BRWD1: variants seen among roughly 807,000 people sequenced by gnomAD.
The protein encoded by BRWD1 is bromodomain and WD repeat domain containing 1, also known as bromodomain and WD repeat-containing protein 1.
BRWD1 carries 82 observed loss-of-function variants against 251.2 expected under a neutral mutation model. The observed-to-expected ratio is 0.33, with a 90% CI of 0.27 to 0.39. BRWD1 has a LOEUF of 0.39. BRWD1 is among the 10% of genes least tolerant of loss of function. BRWD1 has a pLI of 1.00. For synonymous variants in BRWD1, 918 were observed against 902.8 expected, an observed-to-expected ratio of 1.02 and a Z score of -0.30; for missense variants, 2,233 against 2,711.6, an observed-to-expected ratio of 0.82 and a Z score of 3.92.
Position 39,210,796 on chromosome 21 carries a change from A to G in BRWD1, c.4034T>C (p.Val1345Ala). 1 of 1,605,532 alleles carries G rather than the reference A, an allele frequency of 6.2e-7. No individual in the cohort carries two copies. Among genetic ancestry groups the G allele is most frequent in the Non-Finnish European group, 8.5e-7 (1 of 1,177,432 alleles). The change falls in exon 35 of 41, where the codon GTT (valine) becomes GCT (alanine). Residue 1345 changes from valine (V) to alanine (A), a missense_variant. By Grantham distance (64) the Val-to-Ala change is moderately conservative. Around this residue, in one of 12 missense-constraint regions of BRWD1, gnomAD observed 69 missense variants for 101.6 expected, o/e 0.68. Coordinates refer to ENST00000342449, the MANE Select transcript of BRWD1 (RefSeq NM_033656.4). Reference protein sequence around the residue: ...SEPFRQPVDLVEYPDYRDIID... With the variant: ...SEPFRQPVDLAEYPDYRDIID... Reference sequence around the variant, plus strand: ...ACAATGGAAACTTACTGGATATTCAACCAAATCAACAGGTTGTCTAAATGG... The same window carrying G: ...ACAATGGAAACTTACTGGATATTCAGCCAAATCAACAGGTTGTCTAAATGG...
chr21:39,251,648 C>T (rs1423757519), intron 19 of BRWD1, among the ~76,000 whole-genome samples: 2 of 152,212 alleles, frequency 1.3e-5, no homozygotes, highest in East Asian at 3.8e-4. Context: ...AGACAGCCCA[C>T]ACTCAAGATT....
At chr21:39,267,018 G>A (rs959034437) in intron 15 of BRWD1, among the ~76,000 whole-genome samples, 3 of 152,158 alleles carry the variant, frequency 2.0e-5, no homozygotes, top group Non-Finnish European at 2.9e-5. Context: ...TTATTACTGA[G>A]TATGAAAGGA....
chr21:39,238,374 T>G (rs1328919594), intron 22 of BRWD1, 105 bp downstream of exon 22: 2 of 799,628 alleles, frequency 2.5e-6, no homozygotes, highest in Non-Finnish European at 4.1e-6. Flanking sequence ...TATTAAAAAC[T>G]GTTCCACAGT....
chr21:39,267,370 C>T lies in BRWD1; in HGVS notation c.1531-2351G>A, dbSNP rs1400098238. On this transcript the variant is annotated intron_variant, in intron 15 of 40. Coordinates refer to ENST00000342449, the MANE Select transcript of BRWD1 (RefSeq NM_033656.4). ...CAGCACTTTGGGAGGCCGAGGCGGG[C>T]GGATCACAAGGTCAGGAGATCGAGA... Among the ~76,000 whole-genome samples the T allele has an allele frequency of 3.3e-5, 5 of 151,938 alleles. No individual in the cohort carries two copies. In the South Asian group the frequency reaches 8.3e-4, roughly 25 times the overall value.
At position 39,188,937 on chromosome 21, in the gene BRWD1, A is replaced by G; in HGVS notation, c.*7322T>C. The G allele has an allele frequency of 3.0e-6, 3 of 985,052 alleles. No homozygotes were observed. The highest frequency in any genetic ancestry group is 2.4e-6 in the Non-Finnish European group (2 of 829,632). 61.0% of individuals were successfully genotyped at this position (985,052 alleles called of 1,614,324 possible). A position where few individuals can be genotyped will look rare whatever the true frequency, so the allele number is the denominator to read the frequency against. The stretch of plus-strand genomic sequence containing the variant: ...AGACACTCATCACGGCATTACTCTC[A>G]TGCAGCATGCCCTTACCTCCTTCAG... On this transcript the variant is annotated 3_prime_UTR_variant, in exon 41 of 41. Coordinates refer to ENST00000342449, the MANE Select transcript of BRWD1 (RefSeq NM_033656.4).
intron 1 of BRWD1, among the ~76,000 whole-genome samples, chr21:39,319,364 T>C (rs193166474): frequency 6.6e-6 from 1 of 152,322 alleles, no homozygotes; most frequent in Admixed American, 6.5e-5. Flanking sequence ...TTGCAGGCGC[T>C]GGCCCATGTC....
intron 27 of BRWD1, among the ~76,000 whole-genome samples, chr21:39,226,129 T>C (rs980399677): frequency 5.9e-5 from 9 of 152,162 alleles, no homozygotes; most frequent in Non-Finnish European, 8.8e-5. Context: ...GATAAAAATA[T>C]TTCTTCATAC....
At chr21:39,311,446 C>T (rs114343269) in intron 4 of BRWD1, among the ~76,000 whole-genome samples, 2,315 of 152,298 alleles carry the variant, frequency 0.015, 58 homozygotes, top group African/African-American at 0.053. Flanking sequence ...TGAGCCACTG[C>T]ACCCAGCCCC....
intron 15 of BRWD1, among the ~76,000 whole-genome samples, chr21:39,265,500 G>A (rs1012802219): frequency 3.9e-5 from 6 of 152,066 alleles, no homozygotes; most frequent in Non-Finnish European, 5.9e-5. Context: ...AAATAAAATT[G>A]ATTTTGGATA....
Position 39,196,448 on chromosome 21 carries a change from T to C in BRWD1, c.6621A>G (p.Gln2207=). 1 of 1,613,564 alleles carries C rather than the reference T, an allele frequency of 6.2e-7. No individual in the cohort carries two copies. Among genetic ancestry groups the C allele is most frequent in the Non-Finnish European group, 8.5e-7 (1 of 1,179,726 alleles). ...NISKTVRRQR[Q]SKRPRLSVDD... ...CCACACTTAACCTAGGGCGTTTGCT[T>C]TGTCTTTGACGTCTCACAGTTTTAG... is the stretch of plus-strand genomic sequence containing the variant. Residue 2207 remains glutamine, a synonymous_variant, in exon 41 of 41, where the codon CAA becomes CAG. Transcript: ENST00000342449.
At chr21:39,318,832 C>G (rs907832474) in intron 1 of BRWD1, among the ~76,000 whole-genome samples, 1 of 152,168 alleles carries the variant, frequency 6.6e-6, no homozygotes, top group Non-Finnish European at 1.5e-5. Context: ...GTTGCCCAGG[C>G]TGGTCTCAAA....
In BRWD1 at chr21:39,229,390, G is replaced by A; in HGVS notation, c.3047C>T (p.Pro1016Leu). The change falls in exon 26 of 41, where the codon CCC (proline) becomes CTC (leucine). Residue 1016 changes from proline (P) to leucine (L), a missense_variant. This residue lies in a region of BRWD1 where 139 missense variants were observed against 272.8 expected (regional missense o/e 0.51). Coordinates refer to ENST00000342449, the MANE Select transcript of BRWD1 (RefSeq NM_033656.4). ...TAGTTTTAGGCAACAGAGTGTAGGG[G>A]GCCCAACTTCATATCGTATTCCAAC... ...KIVGIRYEVG[P>L]PTLCCLKLAF... 6.2e-7 allele frequency: 1 copy of A among 1,610,232 alleles called. No homozygotes were observed. Among genetic ancestry groups the A allele is most frequent in the Non-Finnish European group, 8.5e-7 (1 of 1,176,912 alleles).
Position 39,270,490 on chromosome 21 carries a change from T to C in BRWD1, c.1245-57A>G, listed in dbSNP as rs1312828332. The C allele has an allele frequency of 2.9e-6, 4 of 1,383,988 alleles. No homozygotes were observed. The East Asian group carries it at 9.6e-5, about 33-fold the overall frequency. 85.7% of individuals were successfully genotyped at this position (1,383,988 alleles called of 1,614,324 possible). On this transcript the variant is annotated intron_variant, in intron 13 of 40. Coordinates refer to ENST00000342449, the MANE Select transcript of BRWD1 (RefSeq NM_033656.4). ...TTTAGATGGCTGGCTATACAATGTA[T>C]ACAATCTCTCATCAATACAAAAATA...
intron 38 of BRWD1, among the ~76,000 whole-genome samples, chr21:39,200,919 G>A (rs148668024): frequency 1.3e-3 from 200 of 152,086 alleles, no homozygotes; most frequent in Middle Eastern, 6.8e-3. Context: ...AGGAGGGGAA[G>A]GTAGCAGTGA....
chr21:39,264,638 T>C lies in BRWD1; in HGVS notation c.1707A>G (p.Arg569=), dbSNP rs1209572970. 3.7e-6 allele frequency: 6 copies of C among 1,612,586 alleles called. No individual in the cohort carries two copies. The change falls in exon 17 of 41, where the codon AGA becomes AGG. Residue 569 remains arginine, a synonymous_variant. Transcript: ENST00000342449. ...CATCTAAGACATAATTATTAGAATC[T>C]CTAATAAGTGGTCGATAGTCAGTAT... ...FFHTDYRPLI[R]DSNNYVLDEQ... is the part of the protein sequence containing the mutation.
At chr21:39,299,891 G>C (rs948419993) in intron 4 of BRWD1, among the ~76,000 whole-genome samples, 1 of 151,772 alleles carries the variant, frequency 6.6e-6, no homozygotes, top group South Asian at 2.1e-4. Flanking sequence ...GCTGAGGTAT[G>C]AAATCACTTG....
intron 17 of BRWD1, among the ~76,000 whole-genome samples, chr21:39,259,225 C>T (rs192716756): frequency 1.3e-3 from 205 of 152,288 alleles, no homozygotes; most frequent in African/African-American, 4.8e-3. Flanking sequence ...CAAGCCTCTC[C>T]GACTAATCTC....
rs1232681452 is a variant in BRWD1, at chr21:39,190,463, C to T, written c.*5796G>A. On this transcript the variant is annotated 3_prime_UTR_variant, in exon 41 of 41. Transcript: ENST00000342449. ...CTTTCATAAACTCCTAGAATCTTGA[C>T]ATTATTGGTTGCTGTGGTTGGTGGA... 2 of 985,176 alleles carry T rather than the reference C, an allele frequency of 2.0e-6. No homozygotes were observed. Among genetic ancestry groups the T allele is most frequent in the African/African-American group, 3.5e-5 (2 of 57,204 alleles). The allele number at this position is 985,176 out of a possible 1,614,324, so 61.0% of individuals were successfully genotyped here. A position where few individuals can be genotyped will look rare whatever the true frequency, so the allele number is the denominator to read the frequency against.
chr21:39,248,393 C>T (rs1011339942), intron 20 of BRWD1, among the ~76,000 whole-genome samples: 28 of 151,938 alleles, frequency 1.8e-4, no homozygotes, highest in Non-Finnish European at 7.4e-5. Context: ...AGGCAGATCA[C>T]TTGAGCCCAG....
Sources: allele counts gnomAD v4.1 joint callset (sites outside exome capture counted in the v4.1 genomes callset), GRCh38; gene constraint gnomAD v4.1.1; regional missense constraint gnomAD v4.1.1; transcripts MANE v1.5; gene names NCBI Gene and HGNC (gene_info 2026-07-23, HGNC 2026-07-21).